The following HPSE2 variants were observed in gnomAD, a reference collection of about 807,000 sequenced individuals.
The protein encoded by HPSE2 is inactive heparanase-2.
HPSE2 carries 38 observed loss-of-function variants against 60.5 expected under a neutral mutation model. That is an observed-to-expected ratio of 0.63 (90% CI 0.48 to 0.82). The LOEUF is 0.82. Among genes scored for constraint, HPSE2 ranks in the 40% least tolerant of loss-of-function variants. HPSE2 has a pLI of 0.00. For synonymous variants in HPSE2, 295 were observed against 293.2 expected, an observed-to-expected ratio of 1.01 and a Z score of -0.06; for missense variants, 713 against 740.4, an observed-to-expected ratio of 0.96 and a Z score of 0.43.
At chr10:98,503,212 G>GAAAAAAAAAAAAAAAAAAAAACAAAAAA (rs1188841526) in intron 9 of HPSE2, among the ~76,000 whole-genome samples, 1 of 37,392 alleles carries the variant, frequency 2.7e-5, no homozygotes. Context: ...GACTCCATCA[G>GAAAAAAAAAAAAAAAAAAAAACAAAAAA]AAAAAAAGAA....
rs569559590 is a variant in HPSE2 at position 99,057,750 on chromosome 10, G to A, written c.610+86488C>T. On this transcript the variant is annotated intron_variant, in intron 3 of 11. Coordinates refer to ENST00000370552, the MANE Select transcript of HPSE2 (RefSeq NM_021828.5). ...CCCAGGATTCTAATCAAGCTGACAT[G>A]GTGATGAACTTATTTTGTCCAGCTG... Among the ~76,000 whole-genome samples, 9 of 152,270 alleles carry A rather than the reference G, an allele frequency of 5.9e-5. No homozygotes were observed. In the South Asian group the frequency reaches 1.7e-3, roughly 28 times the overall value.
intron 6 of HPSE2, among the ~76,000 whole-genome samples, chr10:98,659,509 T>C (rs1947167767): frequency 6.6e-6 from 1 of 152,264 alleles, no homozygotes; most frequent in Non-Finnish European, 1.5e-5. Context: ...TTCATTTCTT[T>C]TTATGGCAGA....
intron 6 of HPSE2, among the ~76,000 whole-genome samples, chr10:98,647,527 G>A (rs1159528289): frequency 6.6e-6 from 1 of 152,172 alleles, no homozygotes; most frequent in Non-Finnish European, 1.5e-5. Context: ...TGACTGGGCA[G>A]GTAATTCCAG....
intron 3 of HPSE2, among the ~76,000 whole-genome samples, chr10:99,035,830 T>C (rs1458169321): frequency 1.3e-5 from 2 of 152,232 alleles, no homozygotes; most frequent in African/African-American, 4.8e-5. Context: ...TGTACAATAC[T>C]TTCTAGCTTT....
At chr10:98,935,636 T>C (rs1954766198) in intron 3 of HPSE2, among the ~76,000 whole-genome samples, 1 of 144,394 alleles carries the variant, frequency 6.9e-6, no homozygotes, top group Non-Finnish European at 1.5e-5. Context: ...CAGCAAAGAT[T>C]GCTGCCGGCT....
chr10:99,145,081 C>G (rs551886749), intron 2 of HPSE2, among the ~76,000 whole-genome samples: 1 of 152,210 alleles, frequency 6.6e-6, no homozygotes, highest in African/African-American at 2.4e-5. Context: ...TTTTCCCATA[C>G]TGCTTTTTAT....
At chr10:98,591,073 C>G (rs539009676) in intron 9 of HPSE2, among the ~76,000 whole-genome samples, 1 of 151,928 alleles carries the variant, frequency 6.6e-6, no homozygotes, top group African/African-American at 2.4e-5. Flanking sequence ...TACAGTTATA[C>G]CTATGAGCTA....
intron 3 of HPSE2, among the ~76,000 whole-genome samples, chr10:99,053,511 G>C (rs1190824300): frequency 1.3e-5 from 2 of 151,944 alleles, no homozygotes; most frequent in Admixed American, 1.3e-4. Context: ...ACGACACCTA[G>C]AATCCCACTT....
chr10:99,305,961 A>ATATGCGCGTG, the HPSE2 span, among the ~76,000 whole-genome samples: 3 of 103,062 alleles, frequency 2.9e-5, no homozygotes, highest in African/African-American at 1.3e-4. Flanking sequence ...ACTCACACAC[A>ATATGCGCGTG]CGCGCGCGCG....
chr10:99,041,191 T>C (rs1473365685), intron 3 of HPSE2, among the ~76,000 whole-genome samples: 1 of 152,138 alleles, frequency 6.6e-6, no homozygotes, highest in Non-Finnish European at 1.5e-5. Flanking sequence ...GATGGCTTAC[T>C]AGAAGTAGCT....
At position 99,235,533 on chromosome 10, in the gene HPSE2, A is replaced by C; in HGVS notation, c.270T>G (p.Asp90Glu). Residue 90 changes from aspartate (D) to glutamate (E), a missense_variant, in exon 1 of 12, where the codon GAT (aspartate) becomes GAG (glutamate). By Grantham distance (45) the Asp-to-Glu change is conservative. Transcript: ENST00000370552. ...CTTACCTTAGGAAATCGAGCCAGCC[A>C]TCATGAATGATGGACGGATCCAGCT... ...SLQLDPSIIH[D>E]GWLDFLSSKR... 6.2e-7 allele frequency: 1 copy of C among 1,614,166 alleles called. No individual in the cohort carries two copies. The highest frequency in any genetic ancestry group is 8.5e-7 in the Non-Finnish European group (1 of 1,180,024).
At chr10:98,735,564 C>G (rs921934240) in intron 4 of HPSE2, among the ~76,000 whole-genome samples, 1 of 151,890 alleles carries the variant, frequency 6.6e-6, no homozygotes, top group South Asian at 2.1e-4. Flanking sequence ...GACTCAATGC[C>G]AGCCCATGAA....
chr10:99,227,891 GTGTA>G (rs1464763405), intron 2 of HPSE2, among the ~76,000 whole-genome samples: 5 of 143,666 alleles, frequency 3.5e-5, no homozygotes, highest in African/African-American at 1.3e-4. Context: ...GTGTGTGTGT[GTGTA>G]TATACATATA....
At chr10:99,040,977 C>CT (rs1369628274) in intron 3 of HPSE2, among the ~76,000 whole-genome samples, 12 of 151,686 alleles carry the variant, frequency 7.9e-5, no homozygotes, top group Non-Finnish European at 4.4e-5. Context: ...GTCCCAGCTA[C>CT]TCCGGAGGCC....
At chr10:98,760,832 C>T (rs568459893) in intron 3 of HPSE2, among the ~76,000 whole-genome samples, 1 of 152,172 alleles carries the variant, frequency 6.6e-6, no homozygotes, top group South Asian at 2.1e-4. Context: ...AAGTTGGTCT[C>T]ATAAAATGGC....
chr10:98,699,112 A>G (rs1223125013), intron 5 of HPSE2, among the ~76,000 whole-genome samples: 7 of 151,954 alleles, frequency 4.6e-5, no homozygotes, highest in Non-Finnish European at 8.8e-5. Flanking sequence ...ATCAATAGAA[A>G]AAGAGGGAAT....
the HPSE2 span, among the ~76,000 whole-genome samples, chr10:99,246,100 A>G: frequency 2.0e-5 from 3 of 152,252 alleles, no homozygotes; most frequent in African/African-American, 7.2e-5. Flanking sequence ...ATCAAAGGAC[A>G]TACATCAAAT....
At chr10:98,529,091 C>T (rs1209059833) in intron 9 of HPSE2, among the ~76,000 whole-genome samples, 1 of 152,256 alleles carries the variant, frequency 6.6e-6, no homozygotes, top group Non-Finnish European at 1.5e-5. Context: ...CACAGACACA[C>T]ACAAACTCTT....
chr10:98,977,015 C>G (rs770854169), intron 3 of HPSE2, among the ~76,000 whole-genome samples: 2 of 152,144 alleles, frequency 1.3e-5, no homozygotes, highest in Non-Finnish European at 2.9e-5. Context: ...CTGTAAGAGA[C>G]AAGGAATAGA....
Sources: gnomAD v4.1 joint callset for allele counts (sites outside exome capture counted in the v4.1 genomes callset) on GRCh38, gnomAD v4.1.1 for gene constraint, MANE v1.5 for transcripts, NCBI Gene and HGNC (gene_info 2026-07-23, HGNC 2026-07-21) for gene names.